The following YEATS2 variants were observed in gnomAD, a reference collection of about 807,000 sequenced individuals.
YEATS2 encodes YEATS domain containing 2.
Under a neutral mutation model 163.2 loss-of-function variants are expected in YEATS2, and 77 were observed. That is an observed-to-expected ratio of 0.47 (90% confidence interval 0.39 to 0.57). The LOEUF (loss-of-function observed/expected upper bound fraction) is 0.57. Ranked by LOEUF, YEATS2 falls within the 20% of genes least tolerant of loss-of-function variation. The pLI is 0.00. For missense variants in YEATS2, 1,549 were observed against 1,729.8 expected, an observed-to-expected ratio of 0.90 and a Z score of 1.85; for synonymous variants, 631 against 645.1, an observed-to-expected ratio of 0.98 and a Z score of 0.33.
Position 183,798,917 on chromosome 3 carries a change from C to T in YEATS2, c.3253C>T (p.Pro1085Ser), listed in dbSNP as rs763802206. The T allele has an allele frequency of 1.9e-6, 3 of 1,613,940 alleles. No homozygotes were observed. Among genetic ancestry groups the T allele is most frequent in the Non-Finnish European group, 2.5e-6 (3 of 1,179,936 alleles). ...GGTTCAGTCATTTTCTACCAGCAAG[C>T]CACCTGCCATTCTGCCTGTAGCTGC... is the stretch of plus-strand genomic sequence containing the variant. ...KVVQSFSTSKPPAILPVAAPT... is the reference protein window; with the variant it reads ...KVVQSFSTSKSPAILPVAAPT... Residue 1085 changes from proline to serine, a missense_variant, in exon 23 of 31, where the codon CCA (proline) becomes TCA (serine). Pro to Ser is a moderately conservative substitution (Grantham distance 74, BLOSUM62 -1). Coordinates refer to ENST00000305135, the MANE Select transcript of YEATS2 (RefSeq NM_018023.5).
chr3:183,775,568 C>T (rs987897608), intron 17 of YEATS2, among the ~76,000 whole-genome samples: 2 of 152,212 alleles, frequency 1.3e-5, no homozygotes, highest in Admixed American at 6.5e-5. Flanking sequence ...GCACTCCAGC[C>T]TGGCGACAGA....
chr3:183,800,658 A>T (rs1725585454), intron 24 of YEATS2, 90 bp downstream of exon 24: 1 of 1,051,202 alleles, frequency 9.5e-7, no homozygotes, highest in East Asian at 2.5e-5. Flanking sequence ...GTGTGTGTGT[A>T]GCTCTAAGCC....
intron 5 of YEATS2, among the ~76,000 whole-genome samples, chr3:183,723,112 C>T (rs1052879128): frequency 2.0e-5 from 3 of 152,190 alleles, no homozygotes; most frequent in Admixed American, 6.5e-5. Flanking sequence ...CGAGAGCAGC[C>T]GTTCTTCAAC....
intron 11 of YEATS2, among the ~76,000 whole-genome samples, chr3:183,754,972 T>G (rs1720560362): frequency 6.6e-6 from 1 of 152,122 alleles, no homozygotes; most frequent in Non-Finnish European, 1.5e-5. Context: ...TAAAAGGCAA[T>G]TGGAAATAAC....
At chr3:183,793,609 CTTTTTTT>C (rs35098553) in intron 21 of YEATS2, 11 of 109,616 alleles carry the variant, frequency 1.0e-4, no homozygotes, top group South Asian at 3.2e-4. Context: ...TTCTTTCTTT[CTTTTTTT>C]TTTTTTTTTT....
intron 21 of YEATS2, among the ~76,000 whole-genome samples, chr3:183,796,148 ATTTTTTTTT>A (rs1176974770): frequency 1.6e-4 from 15 of 96,060 alleles, no homozygotes; most frequent in African/African-American, 6.4e-4. Flanking sequence ...ATGCCCGGCT[ATTTTTTTTT>A]TTTTTTTTTT....
chr3:183,752,361 A>G, intron 10 of YEATS2, 108 bp downstream of exon 10: 2 of 1,331,750 alleles, frequency 1.5e-6, no homozygotes, highest in South Asian at 2.6e-5. Context: ...ATAAGTGGAC[A>G]TGCTGCCTCT....
At chr3:183,801,703 GTT>G (rs1242709511) in intron 25 of YEATS2, 175 bp downstream of exon 25, 12 of 495,156 alleles carry the variant, frequency 2.4e-5, no homozygotes, top group Non-Finnish European at 4.0e-5. Context: ...CATCCAGTTA[GTT>G]TTTTATTGTT....
chr3:183,775,519 C>G (rs554917340), intron 17 of YEATS2, among the ~76,000 whole-genome samples: 2 of 152,168 alleles, frequency 1.3e-5, no homozygotes, highest in African/African-American at 4.8e-5. Context: ...CGCTTGAACC[C>G]GGGAGGCAGA....
At chr3:183,771,508 C>CTT (rs199935565) in intron 15 of YEATS2, among the ~76,000 whole-genome samples, 137 of 48,780 alleles carry the variant, frequency 2.8e-3, no homozygotes, top group African/African-American at 4.6e-3. Flanking sequence ...GTACTGGGGT[C>CTT]TTTTTTTTTT....
intron 18 of YEATS2, among the ~76,000 whole-genome samples, chr3:183,776,948 G>A (rs1325892621): frequency 6.9e-6 from 1 of 144,544 alleles, no homozygotes; most frequent in African/African-American, 2.6e-5. Context: ...GTGAGACTCT[G>A]TCTCAAAAAA....
chr3:183,808,030 A>G lies in YEATS2; in HGVS notation c.4012A>G (p.Ile1338Val). 3 of 1,559,480 alleles carry G rather than the reference A, an allele frequency of 1.9e-6. No homozygotes were observed. The highest frequency in any genetic ancestry group is 2.6e-6 in the Non-Finnish European group (3 of 1,150,958). The change falls in exon 29 of 31, where the codon ATT becomes GTT. Residue 1338 changes from isoleucine to valine, a missense_variant and splice_region_variant. Physicochemically the swap from Ile to Val is conservative, Grantham distance 29. Coordinates refer to ENST00000305135, the MANE Select transcript of YEATS2 (RefSeq NM_018023.5). Reference protein sequence around the residue: ...SEFIGDVTQKIGITLQPVALH... With the variant: ...SEFIGDVTQKVGITLQPVALH... ...AAACGGCTTTCTTCTGCTTTTCCAGATTGGGATCACCCTGCAGCCCGTGGC... is the reference window on the plus strand; with the variant it reads ...AAACGGCTTTCTTCTGCTTTTCCAGGTTGGGATCACCCTGCAGCCCGTGGC...
At position 183,811,035 on chromosome 3, in the gene YEATS2, C is replaced by A. The variant is rs1057020036; in HGVS notation, c.*452C>A. ...ACCCTGAAGAGAGATTGGGCTTCAGCCTTCAGCAGGTGGTTCTCTCCCATG... is the reference window on the plus strand; with the variant it reads ...ACCCTGAAGAGAGATTGGGCTTCAGACTTCAGCAGGTGGTTCTCTCCCATG... On this transcript the variant is annotated 3_prime_UTR_variant, in exon 31 of 31. Coordinates refer to ENST00000305135, the MANE Select transcript of YEATS2 (RefSeq NM_018023.5). 2.9e-5 allele frequency: 5 copies of A among 172,906 alleles called. No homozygotes were observed. Among genetic ancestry groups the A allele is most frequent in the Non-Finnish European group, 4.9e-5 (4 of 81,044 alleles). 10.7% of individuals were successfully genotyped at this position (172,906 alleles called of 1,614,324 possible). A position where few individuals can be genotyped will look rare whatever the true frequency, so the allele number is the denominator to read the frequency against.
At chr3:183,787,747 C>T (rs1724197192) in intron 20 of YEATS2, among the ~76,000 whole-genome samples, 1 of 151,808 alleles carries the variant, frequency 6.6e-6, no homozygotes, top group East Asian at 1.9e-4. Flanking sequence ...CCTGTAATCC[C>T]AGCACTTTGG....
At chr3:183,775,192 A>T (rs1052464831) in intron 17 of YEATS2, among the ~76,000 whole-genome samples, 2 of 152,158 alleles carry the variant, frequency 1.3e-5, no homozygotes, top group African/African-American at 4.8e-5. Flanking sequence ...AGACAGGGAG[A>T]CAACATCGAG....
At chr3:183,795,638 T>C (rs1725075724) in intron 21 of YEATS2, among the ~76,000 whole-genome samples, 1 of 151,720 alleles carries the variant, frequency 6.6e-6, no homozygotes, top group Admixed American at 6.6e-5. Flanking sequence ...TAAACATTAA[T>C]AAAAAGAACC....
chr3:183,804,558 ACTT>A (rs1725993898), intron 27 of YEATS2, among the ~76,000 whole-genome samples: 1 of 152,200 alleles, frequency 6.6e-6, no homozygotes. Context: ...AGTTTGTGCT[ACTT>A]CTGTGAAGAT....
chr3:183,788,281 T>C (rs1263091848), intron 20 of YEATS2, among the ~76,000 whole-genome samples: 1 of 152,086 alleles, frequency 6.6e-6, no homozygotes, highest in East Asian at 1.9e-4. Flanking sequence ...CCATTAACCA[T>C]CCCCACTCCC....
chr3:183,806,763 C>T, intron 27 of YEATS2, 103 bp from the exon 28 acceptor site: 11 of 1,189,610 alleles, frequency 9.2e-6, no homozygotes, highest in Non-Finnish European at 1.2e-5. Context: ...GGTCAGCTCC[C>T]CTGATGCTTA....
Sources: allele counts gnomAD v4.1 joint callset (sites outside exome capture counted in the v4.1 genomes callset), GRCh38; gene constraint gnomAD v4.1.1; transcripts MANE v1.5; gene names NCBI Gene and HGNC (gene_info 2026-07-23, HGNC 2026-07-21).